The following ADCY3 variants were observed in gnomAD, a reference collection of about 807,000 sequenced individuals.
ADCY3 encodes adenylate cyclase 3.
Under a neutral mutation model 119.4 loss-of-function variants are expected in ADCY3, and 70 were observed. The ratio of observed to expected loss-of-function variants is 0.59; its 90% CI spans 0.48 to 0.72. The LOEUF is 0.72. Among genes scored for constraint, ADCY3 ranks in the 30% least tolerant of loss-of-function variants. The probability of loss-of-function intolerance (pLI) is 0.00; values close to 1 mark genes in which losing one functional copy is unlikely to be tolerated. For synonymous variants in ADCY3, 672 were observed against 621.4 expected, an observed-to-expected ratio of 1.08 and a Z score of -1.21; for missense variants, 1,238 against 1,541.6, an observed-to-expected ratio of 0.80 and a Z score of 3.30.
chr2:24,820,789 T>A lies in ADCY3; in HGVS notation c.3187A>T (p.Ile1063Phe). Reference protein sequence around the residue: ...VIGARKPHYDIWGNTVNVASR... With the variant: ...VIGARKPHYDFWGNTVNVASR... ...GCTACATTGACTGTATTGCCCCAGA[T>A]GTCGTAGTGTGGTTTCCGGGCTCCG... Residue 1063 changes from isoleucine (I) to phenylalanine (F), a missense_variant, in exon 21 of 22, where the codon ATC becomes TTC. Ile to Phe is a conservative substitution (Grantham distance 21). Coordinates refer to ENST00000679454, the MANE Select transcript of ADCY3 (RefSeq NM_004036.5). 6.2e-7 allele frequency: 1 copy of A among 1,614,148 alleles called. No homozygotes were observed. Among genetic ancestry groups the A allele is most frequent in the Non-Finnish European group, 8.5e-7 (1 of 1,180,012 alleles).
At chr2:24,827,427 C>T in intron 15 of ADCY3, 119 bp downstream of exon 15, 4 of 1,076,284 alleles carry the variant, frequency 3.7e-6, no homozygotes, top group Non-Finnish European at 4.1e-6. Flanking sequence ...CTCTAACCTG[C>T]ACGTATCAGG....
rs6718511 is a variant in ADCY3 at position 24,899,455 on chromosome 2, A to G, written c.675+18858T>C. ...ACCTCTGCCACCAGCCTGCCAGGCA[A>G]AACTGTCCCTGGATTTCCTGCCCAG... On this transcript the variant is annotated intron_variant, in intron 2 of 21. Transcript: ENST00000679454. This position sits in a 1 kb window ranked among gnomAD's most constrained non-coding sequence, Gnocchi z 4.5. Among the ~76,000 whole-genome samples the G allele has an allele frequency of 0.53, 80,362 of 151,890 alleles. 23,741 individuals are homozygous for G. The highest frequency in any genetic ancestry group is 0.81 in the African/African-American group (33,604 of 41,406).
intron 3 of ADCY3, among the ~76,000 whole-genome samples, chr2:24,868,956 A>G (rs867182292): frequency 7.2e-5 from 11 of 152,116 alleles, no homozygotes; most frequent in African/African-American, 9.7e-5. Flanking sequence ...CCCGGGAGGC[A>G]GAGCTTGCAG....
chr2:24,889,388 T>G (rs1261873892), intron 2 of ADCY3, among the ~76,000 whole-genome samples: 1 of 152,234 alleles, frequency 6.6e-6, no homozygotes, highest in Non-Finnish European at 1.5e-5. Context: ...ACATTGTGAA[T>G]TCACCAGAAC....
intron 2 of ADCY3, among the ~76,000 whole-genome samples, chr2:24,896,697 T>C (rs948398310): frequency 6.6e-6 from 1 of 152,148 alleles, no homozygotes; most frequent in Non-Finnish European, 1.5e-5. Context: ...CATGAGCAGA[T>C]TGATATTCAC....
At chr2:24,858,558 C>A (rs1433625813) in intron 3 of ADCY3, among the ~76,000 whole-genome samples, 1 of 152,178 alleles carries the variant, frequency 6.6e-6, no homozygotes, top group East Asian at 1.9e-4. Flanking sequence ...GGGCCTGGCA[C>A]AAAATAAATG....
rs1333291183 is a variant in ADCY3 at position 24,828,147 on chromosome 2, C to T, written c.2187G>A (p.Gln729=). The T allele has an allele frequency of 6.2e-7, 1 of 1,613,768 alleles. No homozygotes were observed. The highest frequency in any genetic ancestry group is 8.5e-7 in the Non-Finnish European group (1 of 1,179,944). ...ANVVDMLSCL[Q]YYTGPSNATA... ...TTGCATTGCTGGGTCCCGTGTAGTA[C>T]TGGAGACAGCTGAGCTGGAGGCCAG... Residue 729 remains glutamine, a synonymous_variant, in exon 14 of 22, where the codon CAG becomes CAA. Coordinates refer to ENST00000679454, the MANE Select transcript of ADCY3 (RefSeq NM_004036.5).
rs747773620 is a variant in ADCY3 at position 24,918,751 on chromosome 2, C to G, written c.237G>C (p.Leu79=). The G allele has an allele frequency of 3.3e-5, 53 of 1,613,964 alleles. No homozygotes were observed. The highest frequency in any genetic ancestry group is 4.2e-6 in the Non-Finnish European group (5 of 1,180,036). Reference sequence around the variant, plus strand: ...AGAGGGCTGCAAAGACCACCAGCACCAGCAGGGTCTCGTGGCGCTGCCTTT... The same window carrying G: ...AGAGGGCTGCAAAGACCACCAGCACGAGCAGGGTCTCGTGGCGCTGCCTTT... The part of the protein sequence containing the change: ...YFKRQRHETL[L]VLVVFAALFD... Residue 79 remains leucine (L), a synonymous_variant, in exon 2 of 22, where the codon CTG becomes CTC. Transcript: ENST00000679454. This position sits in a 1 kb window ranked among gnomAD's most constrained non-coding sequence, Gnocchi z 5.4.
At position 24,918,661 on chromosome 2, in the gene ADCY3, G is replaced by T. The variant is rs147964025; in HGVS notation, c.327C>A (p.Ala109=). The change falls in exon 2 of 22, where the codon GCC becomes GCA. Residue 109 remains alanine, a synonymous_variant. Coordinates refer to ENST00000679454, the MANE Select transcript of ADCY3 (RefSeq NM_004036.5). The surrounding 1 kb of genome is among the most constrained non-coding windows in gnomAD (Gnocchi z 5.4). ...VFSSDKLASL[A]VAGIGLVLDI... ...CCAACACCAGTCCAATTCCAGCCAC[G>T]GCGAGGGAAGCCAGCTTGTCGCTGG... 6.2e-7 allele frequency: 1 copy of T among 1,614,092 alleles called. No homozygotes were observed. The highest frequency in any genetic ancestry group is 8.5e-7 in the Non-Finnish European group (1 of 1,180,004).
At chr2:24,853,415 T>G (rs970274347) in intron 3 of ADCY3, among the ~76,000 whole-genome samples, 8 of 152,024 alleles carry the variant, frequency 5.3e-5, no homozygotes, top group African/African-American at 1.9e-4. Context: ...TAATCCTTTT[T>G]TATTGTTACA....
chr2:24,827,852 C>T lies in ADCY3; in HGVS notation c.2432+50G>A, dbSNP rs146269706. On this transcript the variant is annotated intron_variant, in intron 14 of 21. Coordinates refer to ENST00000679454, the MANE Select transcript of ADCY3 (RefSeq NM_004036.5). ...CCATGAGCTTGAACTGAGGACTTTG[C>T]GGGCGGGAGGAAGGAGACAATACAG... is the stretch of plus-strand genomic sequence containing the variant. 283 of 1,604,922 alleles carry T rather than the reference C, an allele frequency of 1.8e-4. No homozygotes were observed. The African/African-American group carries it at 2.1e-3, about 12-fold the overall frequency.
At chr2:24,824,352 T>G (rs1326913742) in intron 17 of ADCY3, 26 bp downstream of exon 17, 1 of 1,611,370 alleles carries the variant, frequency 6.2e-7, no homozygotes, top group Admixed American at 1.7e-5. Flanking sequence ...GGCCTCATGG[T>G]TCCGGGCTGA....
chr2:24,905,612 A>T (rs1679368114), intron 2 of ADCY3, among the ~76,000 whole-genome samples: 2 of 152,300 alleles, frequency 1.3e-5, no homozygotes, highest in South Asian at 4.1e-4. Context: ...CAGGGCTTGA[A>T]GCCACCAGGC....
At chr2:24,826,282 G>A in intron 15 of ADCY3, 156 bp from the exon 16 acceptor site, 1 of 647,702 alleles carries the variant, frequency 1.5e-6, no homozygotes, top group Non-Finnish European at 2.7e-6. Flanking sequence ...GCTCCCCCGG[G>A]CAGTAAAATT....
intron 2 of ADCY3, among the ~76,000 whole-genome samples, chr2:24,882,689 G>T (rs1481736103): frequency 6.6e-6 from 1 of 152,166 alleles, no homozygotes; most frequent in Admixed American, 6.5e-5. Context: ...GAATACTCTG[G>T]TGAGTGGCGG....
At chr2:24,867,493 T>A (rs1000331299) in intron 3 of ADCY3, among the ~76,000 whole-genome samples, 3 of 152,260 alleles carry the variant, frequency 2.0e-5, no homozygotes, top group African/African-American at 7.2e-5. Context: ...GAGCAAATGC[T>A]GGTGCCTTGA....
intron 3 of ADCY3, among the ~76,000 whole-genome samples, chr2:24,855,273 G>A (rs1321751167): frequency 2.8e-4 from 43 of 152,086 alleles, no homozygotes; most frequent in Admixed American, 2.8e-3. Flanking sequence ...ACTTGCTTTG[G>A]AGGCCCCAAG....
In ADCY3 at chr2:24,822,706, G is replaced by GT. The variant is rs953983877; in HGVS notation, c.2884-77dup. The GT allele has an allele frequency of 1.9e-6, 3 of 1,570,974 alleles. No homozygotes were observed. The African/African-American group carries it at 4.1e-5, about 21-fold the overall frequency. ...ACCCAACCCAGTGACAGATGTACCT[G>GT]TTTACAAGGACCCCACTAAACCCAA... On this transcript the variant is annotated intron_variant, in intron 18 of 21. Transcript: ENST00000679454.
At chr2:24,869,101 A>C (rs909530570) in intron 3 of ADCY3, among the ~76,000 whole-genome samples, 10 of 152,224 alleles carry the variant, frequency 6.6e-5, no homozygotes, top group Non-Finnish European at 1.2e-4. Context: ...TGAACAGGCT[A>C]AAACAATAAG....
Sources: gnomAD v4.1 joint callset for allele counts (sites outside exome capture counted in the v4.1 genomes callset) on GRCh38, gnomAD v4.1.1 for gene constraint, Gnocchi (gnomAD v3.1) non-coding constraint, MANE v1.5 for transcripts, NCBI Gene and HGNC (gene_info 2026-07-23, HGNC 2026-07-21) for gene names.